TTF1: variants seen among roughly 807,000 people sequenced by gnomAD.
TTF1 encodes transcription termination factor 1.
TTF1 carries 64 observed loss-of-function variants against 80.2 expected under a neutral mutation model. That is an observed-to-expected ratio of 0.80 (90% CI 0.65 to 0.98). The LOEUF is 0.98. TTF1 is among the 50% of genes least tolerant of loss of function. The probability of loss-of-function intolerance (pLI) is 0.00; values close to 1 mark genes in which losing one functional copy is unlikely to be tolerated. For synonymous variants in TTF1, 372 were observed against 382.7 expected, an observed-to-expected ratio of 0.97 and a Z score of 0.33; for missense variants, 1,023 against 1,086.2, an observed-to-expected ratio of 0.94 and a Z score of 0.82.
intron 2 of TTF1, among the ~76,000 whole-genome samples, chr9:132,400,917 C>T (rs759317591): frequency 2.5e-4 from 38 of 152,222 alleles, no homozygotes; most frequent in Non-Finnish European, 4.7e-4. Flanking sequence ...TAGTGAAAAT[C>T]GAATCTGTCT....
chr9:132,382,645 A>G (rs967702026), intron 9 of TTF1, among the ~76,000 whole-genome samples: 1 of 152,102 alleles, frequency 6.6e-6, no homozygotes, highest in Non-Finnish European at 1.5e-5. Flanking sequence ...AAAGACAGTA[A>G]GGAAGGCCGG....
chr9:132,402,179 G>T lies in TTF1; in HGVS notation c.643C>A (p.His215Asn). 6.2e-7 allele frequency: 1 copy of T among 1,613,958 alleles called. No homozygotes were observed. Among genetic ancestry groups the T allele is most frequent in the East Asian group, 2.2e-5 (1 of 44,886 alleles). ...GEITELPASA[H>N]KNKSKKKKKK... ...TTTTTTTTCTTAGACTTGTTTTTAT[G>T]AGCAGATGCTGGTAGTTCTGTAATT... The change falls in exon 2 of 11, where the codon CAT (histidine) becomes AAT (asparagine). Residue 215 changes from histidine (H) to asparagine (N), a missense_variant. His to Asn is a moderately conservative substitution (Grantham distance 68). Transcript: ENST00000334270.
At chr9:132,398,033 G>C (rs185292068) in intron 4 of TTF1, 108 bp downstream of exon 4, 1 of 822,680 alleles carries the variant, frequency 1.2e-6, no homozygotes, top group African/African-American at 1.8e-5. Context: ...GTTAATGTGC[G>C]CCGCCTGCAG....
At chr9:132,398,730 G>A (rs542740524) in intron 3 of TTF1, among the ~76,000 whole-genome samples, 19 of 152,188 alleles carry the variant, frequency 1.2e-4, no homozygotes, top group African/African-American at 4.3e-4. Context: ...GAGTAGCTGG[G>A]ACTACAGGTG....
At position 132,399,521 on chromosome 9, in the gene TTF1, A is replaced by T. The variant is rs114843110; in HGVS notation, c.1591+514T>A. ...TTTATTCTTAAACCCAATAAGCTTT[A>T]TTATTGGATTTAAGAATAATAAAGG... On this transcript the variant is annotated intron_variant, in intron 3 of 10. Coordinates refer to ENST00000334270, the MANE Select transcript of TTF1 (RefSeq NM_007344.4). Among the ~76,000 whole-genome samples, 267 of 152,240 alleles carry T rather than the reference A, an allele frequency of 1.8e-3. 1 individual carries two copies. Among genetic ancestry groups the T allele is most frequent in the African/African-American group, 6.0e-3 (250 of 41,564 alleles).
At chr9:132,394,424 C>T (rs923275598) in intron 5 of TTF1, among the ~76,000 whole-genome samples, 5 of 151,900 alleles carry the variant, frequency 3.3e-5, no homozygotes, top group Non-Finnish European at 7.4e-5. Context: ...GGATTATAAG[C>T]GTTTGCCACC....
At chr9:132,393,922 CTT>C (rs141333782) in intron 5 of TTF1, among the ~76,000 whole-genome samples, 3 of 145,754 alleles carry the variant, frequency 2.1e-5, no homozygotes, top group Non-Finnish European at 3.0e-5. Context: ...AATACAATTT[CTT>C]TTTTTTTTTT....
intron 10 of TTF1, among the ~76,000 whole-genome samples, chr9:132,377,588 A>C (rs181769492): frequency 5.2e-5 from 1 of 19,226 alleles, no homozygotes; most frequent in Non-Finnish European, 1.4e-4. Context: ...GGTGTGTGTG[A>C]GTGCATGTGG....
At chr9:132,396,588 C>G (rs1849653588) in intron 4 of TTF1, 77 bp from the exon 5 acceptor site, 4 of 1,190,472 alleles carry the variant, frequency 3.4e-6, no homozygotes, top group Non-Finnish European at 5.0e-6. Flanking sequence ...CAGAACAGCC[C>G]TTATAACAAC....
chr9:132,377,798 G>T (rs999133112), intron 10 of TTF1, among the ~76,000 whole-genome samples: 3 of 132,122 alleles, frequency 2.3e-5, no homozygotes, highest in African/African-American at 8.6e-5. Context: ...TGTGGTGTGT[G>T]TGCATGTGGT....
At chr9:132,377,599 T>G (rs1263379064) in intron 10 of TTF1, among the ~76,000 whole-genome samples, 3 of 36,798 alleles carry the variant, frequency 8.2e-5, no homozygotes, top group Admixed American at 3.6e-4. Context: ...GTGCATGTGG[T>G]GTGTGTGTGA....
chr9:132,387,269 G>A (rs975577079), intron 8 of TTF1, among the ~76,000 whole-genome samples: 2 of 152,078 alleles, frequency 1.3e-5, no homozygotes, highest in Non-Finnish European at 2.9e-5. Context: ...CTTAAAGTGC[G>A]CAAATTCATT....
At chr9:132,395,875 G>A (rs1299961698) in intron 5 of TTF1, among the ~76,000 whole-genome samples, 3 of 152,118 alleles carry the variant, frequency 2.0e-5, no homozygotes, top group Admixed American at 6.5e-5. Context: ...TAACCCAAAC[G>A]CTCGGTCTAC....
rs760969456 is a variant in TTF1, at chr9:132,402,271, C to T, written c.551G>A (p.Arg184Lys). 8 of 1,614,082 alleles carry T rather than the reference C, an allele frequency of 5.0e-6. No homozygotes were observed. Among genetic ancestry groups the T allele is most frequent in the South Asian group, 1.1e-5 (1 of 91,082 alleles). ...GGATTCTGACTGAGGCAGGGTGTCCCTTGCCCGCTGGCTCTCCCAGGATGC... is the reference window on the plus strand; with the variant it reads ...GGATTCTGACTGAGGCAGGGTGTCCTTTGCCCGCTGGCTCTCCCAGGATGC... The part of the protein sequence containing the change: ...KAASWESQRA[R>K]DTLPQSESHQ... The change falls in exon 2 of 11, where the codon AGG becomes AAG. Residue 184 changes from arginine (R) to lysine (K), a missense_variant. Coordinates refer to ENST00000334270, the MANE Select transcript of TTF1 (RefSeq NM_007344.4).
intron 5 of TTF1, among the ~76,000 whole-genome samples, chr9:132,396,040 C>T (rs1369914569): frequency 6.6e-6 from 1 of 152,202 alleles, no homozygotes; most frequent in African/African-American, 2.4e-5. Context: ...CCTCCACCTT[C>T]AAATAGTTAC....
Position 132,399,958 on chromosome 9 carries a change from A to C in TTF1, c.1591+77T>G, listed in dbSNP as rs1010000355. ...TGCTTCTTGTCGATCTATAAATCTGAATCATCCATAAAAGAAAGTTAGGTG... is the reference window on the plus strand; with the variant it reads ...TGCTTCTTGTCGATCTATAAATCTGCATCATCCATAAAAGAAAGTTAGGTG... On this transcript the variant is annotated intron_variant, in intron 3 of 10. Transcript: ENST00000334270. The C allele has an allele frequency of 2.7e-5, 39 of 1,423,956 alleles. No individual in the cohort carries two copies. In the African/African-American group the frequency reaches 5.5e-4, roughly 20 times the overall value. The allele number at this position is 1,423,956 out of a possible 1,614,324, so 88.2% of individuals were successfully genotyped here.
chr9:132,376,314 T>TGG (rs1849175668), intron 10 of TTF1, 146 bp from the exon 11 acceptor site: 1 of 903,336 alleles, frequency 1.1e-6, no homozygotes, highest in African/African-American at 1.7e-5. Context: ...TTACCCACAT[T>TGG]CACTTCTTCA....
At chr9:132,390,520 G>A in intron 7 of TTF1, 77 bp downstream of exon 7, 1 of 1,428,136 alleles carries the variant, frequency 7.0e-7, no homozygotes, top group South Asian at 1.2e-5. Flanking sequence ...CCCCACGGCA[G>A]TTACACAGAT....
In TTF1 at chr9:132,386,468, A is replaced by G. The variant is rs373978975; in HGVS notation, c.2378+88T>C. The G allele has an allele frequency of 5.4e-6, 6 of 1,111,190 alleles. No homozygotes were observed. The East Asian group carries it at 1.5e-4, about 28-fold the overall frequency. The allele number at this position is 1,111,190 out of a possible 1,614,324, so 68.8% of individuals were successfully genotyped here. A position where few individuals can be genotyped will look rare whatever the true frequency, so the allele number is the denominator to read the frequency against. On this transcript the variant is annotated intron_variant, in intron 9 of 10. Transcript: ENST00000334270. ...ACAAAATTCCAAATGCAGCATCATT[A>G]TCAGCCCTGTAAGATGATAGGGAGT...
Sources: gnomAD v4.1 joint callset for allele counts (sites outside exome capture counted in the v4.1 genomes callset) on GRCh38, gnomAD v4.1.1 for gene constraint, MANE v1.5 for transcripts, NCBI Gene and HGNC (gene_info 2026-07-23, HGNC 2026-07-21) for gene names.